Variants in ZC3HC1 observed in about 807,000 individuals in gnomAD.
ZC3HC1 encodes the protein zinc finger C3HC-type protein 1.
Under a neutral mutation model 61.9 loss-of-function variants are expected in ZC3HC1, and 38 were observed. The ratio of observed to expected loss-of-function variants is 0.61; its 90% CI spans 0.47 to 0.81. The LOEUF is 0.81. Among genes scored for constraint, ZC3HC1 ranks in the 30% least tolerant of loss-of-function variants. The probability of loss-of-function intolerance (pLI) is 0.00; values close to 1 mark genes in which losing one functional copy is unlikely to be tolerated. For missense variants in ZC3HC1, 554 were observed against 622.7 expected (o/e 0.89, Z 1.17); for synonymous variants, 213 against 229.9 (o/e 0.93, Z 0.67).
chr7:130,018,841 A>G lies in ZC3HC1; in HGVS notation c.1441-109T>C, dbSNP rs1444026471. ...TATGTCTAGGACTAAGTAAAAATTC[A>G]TTTTGTAGTATGCTATACATAATGT... On this transcript the variant is annotated intron_variant, in intron 9 of 9. Coordinates refer to ENST00000358303, the MANE Select transcript of ZC3HC1 (RefSeq NM_016478.5). The G allele has an allele frequency of 4.3e-6, 4 of 927,490 alleles. No homozygotes were observed. In the Admixed American group the frequency reaches 9.4e-5, roughly 22 times the overall value. 57.5% of individuals were successfully genotyped at this position (927,490 alleles called of 1,614,324 possible).
upstream of ZC3HC1, chr7:130,051,443 T>C: frequency 3.8e-6 from 6 of 1,594,570 alleles, no homozygotes; most frequent in Non-Finnish European, 5.1e-6. Flanking sequence ...AATATCCGCC[T>C]CTTGAGGCAG....
chr7:130,019,794 A>ATGACGCT (rs1359095917), intron 9 of ZC3HC1, among the ~76,000 whole-genome samples: 1 of 141,702 alleles, frequency 7.1e-6, no homozygotes, highest in African/African-American at 2.6e-5. Context: ...AGTTTCTCAT[A>ATGACGCT]TGACGCTTTC....
At chr7:130,029,139 G>A in intron 4 of ZC3HC1, 110 bp from the exon 5 acceptor site, 1 of 1,251,456 alleles carries the variant, frequency 8.0e-7, no homozygotes, top group East Asian at 3.3e-5. Context: ...GGAAGGCCGA[G>A]GCGGGCGGAT....
rs532159269 is a variant in ZC3HC1 at position 130,023,742 on chromosome 7, A to G, written c.1021-19T>C. The stretch of plus-strand genomic sequence containing the variant: ...TTTCAGCCTGAAGGAAAGGGGAGAT[A>G]ATGGAAGTACACGAATGATATTAAT... On this transcript the variant is annotated intron_variant, in intron 7 of 9. Coordinates refer to ENST00000358303, the MANE Select transcript of ZC3HC1 (RefSeq NM_016478.5). This position sits in a 1 kb window ranked among gnomAD's most constrained non-coding sequence, Gnocchi z 4.2. 5 of 1,581,064 alleles carry G rather than the reference A, an allele frequency of 3.2e-6. No individual in the cohort carries two copies. The highest frequency in any genetic ancestry group is 4.3e-6 in the Non-Finnish European group (5 of 1,152,042).
rs529452272 is a variant in ZC3HC1, at chr7:130,039,634, T to C, written c.410-87A>G. The C allele has an allele frequency of 3.4e-6, 3 of 877,772 alleles. No individual in the cohort carries two copies. In the South Asian group the frequency reaches 5.9e-5, roughly 17 times the overall value. 54.4% of individuals were successfully genotyped at this position (877,772 alleles called of 1,614,324 possible). A position where few individuals can be genotyped will look rare whatever the true frequency, so the allele number is the denominator to read the frequency against. On this transcript the variant is annotated intron_variant, in intron 3 of 9. Transcript: ENST00000358303. Reference sequence around the variant, plus strand: ...TGGCCTCTAAGAGCAGAGATTTAACTAAAAATAAGAGAATTTTAAAATGTG... The same window carrying C: ...TGGCCTCTAAGAGCAGAGATTTAACCAAAAATAAGAGAATTTTAAAATGTG...
At position 130,023,920 on chromosome 7, in the gene ZC3HC1, C is replaced by T. The variant is rs1793766604; in HGVS notation, c.1021-197G>A. On this transcript the variant is annotated intron_variant, in intron 7 of 9. Coordinates refer to ENST00000358303, the MANE Select transcript of ZC3HC1 (RefSeq NM_016478.5). This position sits in a 1 kb window ranked among gnomAD's most constrained non-coding sequence, Gnocchi z 4.2. Reference sequence around the variant, plus strand: ...GTTCAAGTGATTCTCCTGCTTCAGCCTCCCAAGTAGCTGGGATTACAGGTG... The same window carrying T: ...GTTCAAGTGATTCTCCTGCTTCAGCTTCCCAAGTAGCTGGGATTACAGGTG... Among the ~76,000 whole-genome samples, 1 of 152,072 alleles carries T rather than the reference C, an allele frequency of 6.6e-6. No homozygotes were observed. Among genetic ancestry groups the T allele is most frequent in the Non-Finnish European group, 1.5e-5 (1 of 68,022 alleles).
At chr7:130,041,524 CTTT>C (rs71175069) in intron 2 of ZC3HC1, among the ~76,000 whole-genome samples, 3 of 128,848 alleles carry the variant, frequency 2.3e-5, no homozygotes, top group African/African-American at 2.9e-5. Context: ...TTAACTCATT[CTTT>C]TTTTTTTTTT....
Position 130,024,255 on chromosome 7 carries a change from G to C in ZC3HC1, c.1020+8C>G. ...TAAAATTCCACCCCAAATAAGCTAA[G>C]TGAATACCTGCTCTGAGCCTGGGGA... On this transcript the variant is annotated splice_region_variant and intron_variant, in intron 7 of 9. Transcript: ENST00000358303. 2 of 1,588,884 alleles carry C rather than the reference G, an allele frequency of 1.3e-6. No individual in the cohort carries two copies. The highest frequency in any genetic ancestry group is 1.7e-6 in the Non-Finnish European group (2 of 1,166,588).
intron 4 of ZC3HC1, among the ~76,000 whole-genome samples, chr7:130,033,445 C>CTTTTTTTTT (rs3043729): frequency 1.2e-5 from 1 of 82,852 alleles, no homozygotes; most frequent in African/African-American, 5.0e-5. Flanking sequence ...CTATAGCATT[C>CTTTTTTTTT]TTTTTTTTTT....
intron 3 of ZC3HC1, among the ~76,000 whole-genome samples, chr7:130,039,793 C>T (rs1421404030): frequency 2.6e-5 from 4 of 151,870 alleles, no homozygotes; most frequent in African/African-American, 4.8e-5. Flanking sequence ...CTTGCTCTGT[C>T]GCCCAGGCTT....
Sources: allele counts gnomAD v4.1 joint callset (sites outside exome capture counted in the v4.1 genomes callset), GRCh38; gene constraint gnomAD v4.1.1; non-coding constraint Gnocchi (gnomAD v3.1); transcripts MANE v1.5; gene names NCBI Gene and HGNC (gene_info 2026-07-23, HGNC 2026-07-21).